The following SPTB variants were observed in gnomAD, a reference collection of about 807,000 sequenced individuals.
The protein encoded by SPTB is spectrin beta, erythrocytic.
A neutral mutation model predicts 256.2 loss-of-function variants in SPTB; 45 were observed. That is an observed-to-expected ratio of 0.18 (90% CI 0.14 to 0.23). The LOEUF is 0.23. Ranked by LOEUF, SPTB falls within the 10% of genes least tolerant of loss-of-function variation. The probability of loss-of-function intolerance (pLI) is 1.00; values close to 1 mark genes in which losing one functional copy is unlikely to be tolerated. For missense variants in SPTB, 2,715 were observed against 3,040.4 expected, an observed-to-expected ratio of 0.89 and a Z score of 2.52; for synonymous variants, 1,231 against 1,243.1, an observed-to-expected ratio of 0.99 and a Z score of 0.21.
chr14:64,833,635 C>CA (rs1407023559), intron 1 of SPTB, among the ~76,000 whole-genome samples: 1 of 152,068 alleles, frequency 6.6e-6, no homozygotes, highest in Admixed American at 6.5e-5. Context: ...TTTGTGTTCC[C>CA]ATCACTCTCA....
At chr14:64,833,248 C>G (rs1354880204) in intron 1 of SPTB, among the ~76,000 whole-genome samples, 1 of 152,140 alleles carries the variant, frequency 6.6e-6, no homozygotes, top group Non-Finnish European at 1.5e-5. Flanking sequence ...GCCTCATTTC[C>G]TTCAAGAAAC....
intron 1 of SPTB, among the ~76,000 whole-genome samples, chr14:64,843,323 G>A (rs2083637032): frequency 6.6e-6 from 1 of 152,170 alleles, no homozygotes; most frequent in Non-Finnish European, 1.5e-5. Context: ...CTACAGAAGA[G>A]ATGCTTGGGG....
rs1463976155 is a variant in SPTB, at chr14:64,749,010, G to T, written c.*296C>A. ...GCTCAGGAGGAGGGTGGGAGAGGAG[G>T]GCGTGTGCCTCAGAGAACCGTTTCC... On this transcript the variant is annotated 3_prime_UTR_variant, in exon 36 of 36. Coordinates refer to ENST00000644917, the MANE Select transcript of SPTB (RefSeq NM_001355436.2). The surrounding 1 kb of genome is among the most constrained non-coding windows in gnomAD (Gnocchi z 4.7). 9.1e-6 allele frequency: 3 copies of T among 328,640 alleles called. No homozygotes were observed. The highest frequency in any genetic ancestry group is 1.7e-5 in the Non-Finnish European group (3 of 178,452). 20.4% of individuals were successfully genotyped at this position (328,640 alleles called of 1,614,324 possible).
At chr14:64,768,576 C>G (rs7157684) in intron 29 of SPTB, among the ~76,000 whole-genome samples, 27,621 of 151,862 alleles carry the variant, frequency 0.18, 3,878 homozygotes, top group African/African-American at 0.39. Flanking sequence ...AGCTGAAGGA[C>G]GAAGAGCCGG....
rs1389345302 is a variant in SPTB, at chr14:64,822,359, C to CTA, written c.148+587_148+588insTA. ...TATTCTCCACCCCCACCTTCTCTCT[C>CTA]TCTCTCTCTCTCTCTCACACACACA... On this transcript the variant is annotated intron_variant, in intron 2 of 35. Transcript: ENST00000644917. Among the ~76,000 whole-genome samples, 217 of 77,300 alleles carry CTA rather than the reference C, an allele frequency of 2.8e-3. 2 individuals carry two copies. The highest frequency in any genetic ancestry group is 9.5e-3 in the African/African-American group (207 of 21,784). 50.7% of individuals were successfully genotyped at this position (77,300 alleles called of 152,430 possible).
chr14:64,779,213 A>C lies in SPTB; in HGVS notation c.4507T>G (p.Ser1503Ala). The part of the protein sequence containing the change: ...WVEERLPLAQ[S>A]ADYGTNLQTV... Reference sequence around the variant, plus strand: ...TGCAGATTAGTGCCATAGTCGGCTGACTGGGCCAGAGGCAGCCTCTCCTCC... The same window carrying C: ...TGCAGATTAGTGCCATAGTCGGCTGCCTGGGCCAGAGGCAGCCTCTCCTCC... Residue 1503 changes from serine (S) to alanine (A), a missense_variant, in exon 22 of 36, where the codon TCA (serine) becomes GCA (alanine). Transcript: ENST00000644917. The surrounding 1 kb of genome is among the most constrained non-coding windows in gnomAD (Gnocchi z 4.2). 2.5e-6 allele frequency: 4 copies of C among 1,613,970 alleles called. No individual in the cohort carries two copies. Among genetic ancestry groups the C allele is most frequent in the Non-Finnish European group, 3.4e-6 (4 of 1,179,950 alleles).
chr14:64,770,924 T>TC lies in SPTB; in HGVS notation c.5758dup (p.Glu1920GlyfsTer34). 1 of 1,614,068 alleles carries TC rather than the reference T, an allele frequency of 6.2e-7. No homozygotes were observed. The highest frequency in any genetic ancestry group is 8.5e-7 in the Non-Finnish European group (1 of 1,180,016). Reference sequence around the variant, plus strand: ...GGTCTCGATCTGCCGGATGATGCTCTCCATCCAGGAGAGGAGGTCACGGGC... The same window carrying TC: ...GGTCTCGATCTGCCGGATGATGCTCTCCCATCCAGGAGAGGAGGTCACGGGC... On this transcript the variant is annotated frameshift_variant, in exon 27 of 36. Transcript: ENST00000644917. LOFTEE classifies it high-confidence loss of function.
Position 64,772,604 on chromosome 14 carries a change from C to T in SPTB, c.5529G>A (p.Arg1843=), listed in dbSNP as rs2082293653. ...CCTGGACACCCAGCAGGTGGAGCTCCCGCTCGAAGGCTGTGTGCACCCGGT... is the reference window on the plus strand; with the variant it reads ...CCTGGACACCCAGCAGGTGGAGCTCTCGCTCGAAGGCTGTGTGCACCCGGT... ...SFHRVHTAFE[R]ELHLLGVQVQ... is the part of the protein sequence containing the mutation. Residue 1843 remains arginine, a synonymous_variant, in exon 26 of 36, where the codon CGG becomes CGA. Coordinates refer to ENST00000644917, the MANE Select transcript of SPTB (RefSeq NM_001355436.2). This position sits in a 1 kb window ranked among gnomAD's most constrained non-coding sequence, Gnocchi z 5.4. 6.2e-7 allele frequency: 1 copy of T among 1,609,990 alleles called. No homozygotes were observed. Among genetic ancestry groups the T allele is most frequent in the African/African-American group, 1.3e-5 (1 of 74,932 alleles).
intron 1 of SPTB, among the ~76,000 whole-genome samples, 154 bp downstream of exon 1, chr14:64,879,622 ACCCCTCCCACCCCACG>A (rs1364300440): frequency 6.6e-6 from 1 of 151,062 alleles, no homozygotes; most frequent in Non-Finnish European, 1.5e-5. Context: ...CGGGCCCCGC[ACCCCTCCCACCCCACG>A]CCCGACAACC....
intron 4 of SPTB, 91 bp downstream of exon 4, chr14:64,803,516 C>T (rs2082927094): frequency 4.6e-6 from 7 of 1,516,614 alleles, no homozygotes; most frequent in Non-Finnish European, 6.4e-6. Context: ...TGTGCACTAA[C>T]ACCCACACTC....
In SPTB at chr14:64,860,258, G is replaced by A. The variant is rs372047776; in HGVS notation, c.-52+19534C>T. On this transcript the variant is annotated intron_variant, in intron 1 of 35. Transcript: ENST00000644917. ...CAAGATCCTCTTATCACCATCAACC[G>A]GGAGTCTCATCTTTCACCCACTCAT... Among the ~76,000 whole-genome samples, 18 of 152,284 alleles carry A rather than the reference G, an allele frequency of 1.2e-4. No individual in the cohort carries two copies. In the South Asian group the frequency reaches 3.7e-3, roughly 32 times the overall value.
In SPTB at chr14:64,825,503, T is replaced by A. The variant is rs1279711132; in HGVS notation, c.-51-2358A>T. Reference sequence around the variant, plus strand: ...TCCCTTAAGGGAAACTACCACTGACTTGGTCTCTGAGCCAGAGAGGGACTG... The same window carrying A: ...TCCCTTAAGGGAAACTACCACTGACATGGTCTCTGAGCCAGAGAGGGACTG... On this transcript the variant is annotated intron_variant, in intron 1 of 35. Transcript: ENST00000644917. This position sits in a 1 kb window ranked among gnomAD's most constrained non-coding sequence, Gnocchi z 4.8. 6.7e-6 allele frequency among the ~76,000 whole-genome samples: 1 copy of A among 149,212 alleles called. No homozygotes were observed. The highest frequency in any genetic ancestry group is 2.5e-5 in the African/African-American group (1 of 40,474).
intron 2 of SPTB, among the ~76,000 whole-genome samples, chr14:64,811,498 G>A (rs1355013076): frequency 3.9e-5 from 6 of 152,194 alleles, no homozygotes; most frequent in African/African-American, 1.2e-4. Context: ...GGGAATTACT[G>A]TTAATTTTAT....
At chr14:64,830,683 C>T (rs1017609032) in intron 1 of SPTB, among the ~76,000 whole-genome samples, 9 of 152,112 alleles carry the variant, frequency 5.9e-5, no homozygotes, top group South Asian at 2.1e-4. Flanking sequence ...CATCTCTGTC[C>T]GTGCTCAGCC....
At chr14:64,808,099 G>A (rs998869494) in intron 2 of SPTB, among the ~76,000 whole-genome samples, 11 of 152,170 alleles carry the variant, frequency 7.2e-5, no homozygotes, top group African/African-American at 2.7e-4. Flanking sequence ...TGCAACCTCC[G>A]CCTTCTGGGT....
rs569620780 is a variant in SPTB at position 64,847,954 on chromosome 14, C to G, written c.-51-24809G>C. Among the ~76,000 whole-genome samples the G allele has an allele frequency of 6.6e-6, 1 of 152,194 alleles. No homozygotes were observed. The highest frequency in any genetic ancestry group is 6.5e-5 in the Admixed American group (1 of 15,280). Reference sequence around the variant, plus strand: ...CGCATGCATCCTTCACCTGTGAATGCCTTCATCCCTCTCATCTGTATCCTC... The same window carrying G: ...CGCATGCATCCTTCACCTGTGAATGGCTTCATCCCTCTCATCTGTATCCTC... On this transcript the variant is annotated intron_variant, in intron 1 of 35. Coordinates refer to ENST00000644917, the MANE Select transcript of SPTB (RefSeq NM_001355436.2). This position sits in a 1 kb window ranked among gnomAD's most constrained non-coding sequence, Gnocchi z 5.9.
intron 33 of SPTB, chr14:64,750,392 A>T (rs968282076): frequency 2.0e-5 from 10 of 503,028 alleles, no homozygotes; most frequent in African/African-American, 1.6e-4. Context: ...CTAGTCACAG[A>T]TAGCTAAAAC....
intron 27 of SPTB, 124 bp downstream of exon 27, chr14:64,770,761 G>A: frequency 6.8e-7 from 1 of 1,476,720 alleles, no homozygotes; most frequent in Non-Finnish European, 9.4e-7. Flanking sequence ...GTCCCCCAGG[G>A]ATTTTCATGG....
chr14:64,757,534 T>G (rs1212841249), intron 32 of SPTB: 1 of 152,266 alleles, frequency 6.6e-6, no homozygotes, highest in Non-Finnish European at 1.5e-5. Context: ...TGACTGCTCC[T>G]GTAGAGACAA....
Sources: allele counts gnomAD v4.1 joint callset (sites outside exome capture counted in the v4.1 genomes callset), GRCh38; gene constraint gnomAD v4.1.1; non-coding constraint Gnocchi (gnomAD v3.1); transcripts MANE v1.5; gene names NCBI Gene and HGNC (gene_info 2026-07-23, HGNC 2026-07-21).